PPP2R1B: variants seen among roughly 807,000 people sequenced by gnomAD.
PPP2R1B encodes the protein protein phosphatase 2 scaffold subunit Abeta, also known as serine/threonine-protein phosphatase 2A 65 kDa regulatory subunit A beta isoform.
Under a neutral mutation model 72.7 loss-of-function variants are expected in PPP2R1B, and 58 were observed. The ratio of observed to expected loss-of-function variants is 0.80; its 90% CI spans 0.65 to 0.99. PPP2R1B has a LOEUF of 0.99. PPP2R1B is among the 50% of genes least tolerant of loss of function. The probability of loss-of-function intolerance (pLI) is 0.00; values close to 1 mark genes in which losing one functional copy is unlikely to be tolerated. For synonymous variants in PPP2R1B, 256 were observed against 264.6 expected (o/e 0.97, Z 0.32); for missense variants, 695 against 733.6 (o/e 0.95, Z 0.61).
chr11:111,720,542 G>A, the PPP2R1B span: 2 of 1,614,040 alleles, frequency 1.2e-6, no homozygotes, highest in Admixed American at 1.7e-5. Context: ...ATGATATGGG[G>A]TCTGTTCAGA....
Position 111,755,282 on chromosome 11 carries a change from A to T in PPP2R1B, c.843+13T>A. On this transcript the variant is annotated intron_variant, in intron 6 of 14. Coordinates refer to ENST00000527614, the MANE Select transcript of PPP2R1B (RefSeq NM_002716.5). ...AGGTTTATTTCCTTAGTACTTAAAA[A>T]TGATCACTTTACCTCTGAAAATCTG... The T allele has an allele frequency of 2.5e-6, 4 of 1,594,242 alleles. No individual in the cohort carries two copies. Among genetic ancestry groups the T allele is most frequent in the Non-Finnish European group, 3.4e-6 (4 of 1,173,476 alleles).
At chr11:111,765,758 C>T (rs782712138) in intron 1 of PPP2R1B, 2 of 479,072 alleles carry the variant, frequency 4.2e-6, no homozygotes, top group South Asian at 3.1e-5. Flanking sequence ...GGATACACTA[C>T]TCGTCCAGAT....
rs1565459542 is a variant in PPP2R1B, at chr11:111,753,473, T to C, written c.1134A>G (p.Leu378=). The change falls in exon 9 of 15, where the codon CTA becomes CTG. Residue 378 remains leucine, a synonymous_variant. Coordinates refer to ENST00000527614, the MANE Select transcript of PPP2R1B (RefSeq NM_002716.5). ...LGKENTIEHL[L]PLFLAQLKDE... ...CCTTTAACTGAGCTAAGAAAAGAGG[T>C]AGAAGATGTTCAATGGTATTTTCTT... The C allele has an allele frequency of 5.0e-6, 8 of 1,613,620 alleles. No homozygotes were observed. Among genetic ancestry groups the C allele is most frequent in the Non-Finnish European group, 6.8e-6 (8 of 1,179,836 alleles).
chr11:111,765,498 C>T, intron 1 of PPP2R1B, 114 bp from the exon 2 acceptor site: 2 of 841,910 alleles, frequency 2.4e-6, no homozygotes, highest in Non-Finnish European at 3.7e-6. Context: ...ATGAAGATAA[C>T]CTTTCATTTA....
chr11:111,713,690 C>T, the PPP2R1B span, among the ~76,000 whole-genome samples: 3 of 152,134 alleles, frequency 2.0e-5, no homozygotes, highest in Non-Finnish European at 4.4e-5. Flanking sequence ...AAATATGGGC[C>T]GGGCATGGTG....
In PPP2R1B at chr11:111,739,418, A is replaced by C. The variant is rs1366257557; in HGVS notation, c.*2178T>G. The stretch of plus-strand genomic sequence containing the variant: ...TATGAGCCAAAGCACAATTCCTCTG[A>C]AGAGTACCAAAACAAATTCTCTCTC... On this transcript the variant is annotated 3_prime_UTR_variant, in exon 15 of 15. Transcript: ENST00000527614. 2 of 985,292 alleles carry C rather than the reference A, an allele frequency of 2.0e-6. No homozygotes were observed. Among genetic ancestry groups the C allele is most frequent in the African/African-American group, 3.5e-5 (2 of 57,232 alleles). 61.0% of individuals were successfully genotyped at this position (985,292 alleles called of 1,614,324 possible).
At chr11:111,732,329 TG>T (rs1352251034) in intron 15 of PPP2R1B, among the ~76,000 whole-genome samples, 1 of 152,230 alleles carries the variant, frequency 6.6e-6, no homozygotes, top group Non-Finnish European at 1.5e-5. Flanking sequence ...AGTTGGTTCC[TG>T]GGCCCCCGAG....
At chr11:111,721,517 T>A in the PPP2R1B span, among the ~76,000 whole-genome samples, 12 of 152,262 alleles carry the variant, frequency 7.9e-5, no homozygotes, top group African/African-American at 2.9e-4. Flanking sequence ...TACCTGATTT[T>A]ATTTTGAGCC....
In PPP2R1B at chr11:111,745,894, A is replaced by G. The variant is rs180934694; in HGVS notation, c.1399+2060T>C. 2.0e-5 allele frequency among the ~76,000 whole-genome samples: 3 copies of G among 152,354 alleles called. No individual in the cohort carries two copies. The East Asian group carries it at 5.8e-4, about 29-fold the overall frequency. ...GATCATTATATAACACTTATCTGAA[A>G]TGCAAAAGCAAAAAAGCTCCTGTGA... On this transcript the variant is annotated intron_variant, in intron 11 of 14. Transcript: ENST00000527614.
intron 7 of PPP2R1B, 28 bp from the exon 8 acceptor site, chr11:111,754,597 C>T (rs782005826): frequency 6.3e-7 from 1 of 1,588,256 alleles, no homozygotes; most frequent in South Asian, 1.2e-5. Flanking sequence ...AAAAAGAATG[C>T]TTTCACAGGG....
chr11:111,755,319 A>T lies in PPP2R1B; in HGVS notation c.819T>A (p.Tyr273Ter). 1 of 1,610,752 alleles carries T rather than the reference A, an allele frequency of 6.2e-7. No homozygotes were observed. The highest frequency in any genetic ancestry group is 8.5e-7 in the Non-Finnish European group (1 of 1,179,258). The change falls in exon 6 of 15, where the codon TAT (tyrosine) becomes TAA (stop). Residue 273 changes from tyrosine (Y) to a stop codon, truncating the protein, a stop_gained. Transcript: ENST00000527614. LOFTEE classifies it high-confidence loss of function. ...CCTCTGAAAATCTGTCAGCCACCAT[A>T]TAGCGAACGCGCCAAGATTTATCTT... ...AAEDKSWRVR[Y>*]MVADRFSELQ...
At chr11:111,720,579 C>G in the PPP2R1B span, 5 of 1,613,966 alleles carry the variant, frequency 3.1e-6, no homozygotes, top group African/African-American at 1.3e-5. Flanking sequence ...GGAAGACAAC[C>G]CTTCCCTTAA....
chr11:111,759,832 A>C lies in PPP2R1B; in HGVS notation c.659T>G (p.Leu220Arg). The change falls in exon 5 of 15, where the codon CTG becomes CGG. Residue 220 changes from leucine (L) to arginine (R), a missense_variant. Physicochemically the swap from Leu to Arg is moderately radical, Grantham distance 102. Coordinates refer to ENST00000527614, the MANE Select transcript of PPP2R1B (RefSeq NM_002716.5). Reference sequence around the variant, plus strand: ...TTCATCTGAAGCTAGACTAGTGAACAGTGGAACAATTTCACTTTTCACACT... The same window carrying C: ...TTCATCTGAAGCTAGACTAGTGAACCGTGGAACAATTTCACTTTTCACACT... ...LDSVKSEIVP[L>R]FTSLASDEQD... 6.2e-7 allele frequency: 1 copy of C among 1,614,074 alleles called. No individual in the cohort carries two copies. The highest frequency in any genetic ancestry group is 8.5e-7 in the Non-Finnish European group (1 of 1,179,940).
the PPP2R1B span, chr11:111,720,670 A>C: frequency 1.2e-6 from 2 of 1,614,110 alleles, no homozygotes; most frequent in Non-Finnish European, 1.7e-6. Flanking sequence ...CCAGCCATGC[A>C]GGCTCTGAGC....
intron 9 of PPP2R1B, 21 bp downstream of exon 9, chr11:111,753,422 A>G (rs1317699524): frequency 6.2e-7 from 1 of 1,602,588 alleles, no homozygotes; most frequent in African/African-American, 1.3e-5. Flanking sequence ...CAAAGGCAAC[A>G]GAACATAAAG....
intron 3 of PPP2R1B, 57 bp from the exon 4 acceptor site, chr11:111,761,108 C>T: frequency 7.1e-7 from 1 of 1,408,976 alleles, no homozygotes; most frequent in Non-Finnish European, 9.9e-7. Flanking sequence ...AGGTTAGAAA[C>T]AGATAATCAC....
At chr11:111,745,359 AT>A (rs373999713) in intron 11 of PPP2R1B, among the ~76,000 whole-genome samples, 10 of 151,788 alleles carry the variant, frequency 6.6e-5, no homozygotes, top group Non-Finnish European at 1.2e-4. Context: ...GCAAATTACT[AT>A]TTTTTTTAAC....
At chr11:111,754,451 G>T in intron 8 of PPP2R1B, 48 bp downstream of exon 8, 1 of 1,573,858 alleles carries the variant, frequency 6.4e-7, no homozygotes, top group Non-Finnish European at 8.6e-7. Flanking sequence ...TGAGATTAAG[G>T]TTTACCTTCA....
At position 111,760,348 on chromosome 11, in the gene PPP2R1B, A is replaced by T. The variant is rs1438674306; in HGVS notation, c.540-397T>A. ...CAGGCGGGTCCCACCATGCCCAGCT[A>T]ATTTTTTTCTTTTTAGTAGAGACAA... On this transcript the variant is annotated intron_variant, in intron 4 of 14. Coordinates refer to ENST00000527614, the MANE Select transcript of PPP2R1B (RefSeq NM_002716.5). Among the ~76,000 whole-genome samples the T allele has an allele frequency of 2.0e-5, 3 of 152,046 alleles. No homozygotes were observed. The South Asian group carries it at 6.2e-4, about 32-fold the overall frequency.
Sources: allele counts gnomAD v4.1 joint callset (sites outside exome capture counted in the v4.1 genomes callset), GRCh38; gene constraint gnomAD v4.1.1; transcripts MANE v1.5; gene names NCBI Gene and HGNC (gene_info 2026-07-23, HGNC 2026-07-21).